CNTNAP2: variants seen among roughly 807,000 people sequenced by gnomAD.
The protein encoded by CNTNAP2 is contactin associated protein 2.
In CNTNAP2, 98 loss-of-function variants were observed where a neutral mutation model predicts 155.2. That is an observed-to-expected ratio of 0.63 (90% CI 0.54 to 0.75). CNTNAP2 has a LOEUF of 0.75. CNTNAP2 is among the 30% of genes least tolerant of loss of function. CNTNAP2 has a pLI of 0.00. For synonymous variants in CNTNAP2, 651 were observed against 631.2 expected (o/e 1.03, Z -0.47); for missense variants, 1,727 against 1,688.1 (o/e 1.02, Z -0.40).
chr7:146,529,871 A>G (rs1797743265), intron 1 of CNTNAP2, among the ~76,000 whole-genome samples: 1 of 152,070 alleles, frequency 6.6e-6, no homozygotes, highest in Non-Finnish European at 1.5e-5. Flanking sequence ...AGGCTGAGGC[A>G]GGAGAATTTC....
chr7:147,122,536 G>A (rs1801141731), intron 6 of CNTNAP2: 1 of 152,170 alleles, frequency 6.6e-6, no homozygotes, highest in Admixed American at 6.5e-5. Context: ...GGCAGAAATG[G>A]GGATCAGATT....
intron 11 of CNTNAP2, among the ~76,000 whole-genome samples, chr7:147,540,334 C>T (rs1225798643): frequency 6.6e-6 from 1 of 152,120 alleles, no homozygotes; most frequent in African/African-American, 2.4e-5. Flanking sequence ...TTCTGTCTGC[C>T]TCCACTTCAT....
intron 13 of CNTNAP2, among the ~76,000 whole-genome samples, chr7:147,851,846 A>G (rs564416411): frequency 9.9e-5 from 15 of 152,270 alleles, no homozygotes; most frequent in African/African-American, 3.4e-4. Context: ...CCAACATGGC[A>G]CATGTATACA....
At chr7:148,110,372 G>A (rs1210167460) in intron 15 of CNTNAP2, among the ~76,000 whole-genome samples, 1 of 152,076 alleles carries the variant, frequency 6.6e-6, no homozygotes, top group Non-Finnish European at 1.5e-5. Flanking sequence ...AAACAGTGCA[G>A]GGAAGCTTCA....
chr7:147,267,363 T>C (rs987052836), intron 8 of CNTNAP2, among the ~76,000 whole-genome samples: 4 of 152,198 alleles, frequency 2.6e-5, no homozygotes, highest in African/African-American at 9.7e-5. Flanking sequence ...TGTCCAGTGG[T>C]TGAATGGCAA....
rs545054953 is a variant in CNTNAP2 at position 146,130,894 on chromosome 7, A to G, written c.97+13921A>G. On this transcript the variant is annotated intron_variant, in intron 1 of 23. Coordinates refer to ENST00000361727, the MANE Select transcript of CNTNAP2 (RefSeq NM_014141.6). ...ACTTAGGAAACAACCAGATCTTGTGAGAATTCACTCACTATCATTTGAACA... is the reference window on the plus strand; with the variant it reads ...ACTTAGGAAACAACCAGATCTTGTGGGAATTCACTCACTATCATTTGAACA... 3.5e-4 allele frequency among the ~76,000 whole-genome samples: 54 copies of G among 152,290 alleles called. 2 individuals carry two copies. The South Asian group carries it at 0.011, about 32-fold the overall frequency.
chr7:147,427,128 G>C (rs905694640), intron 10 of CNTNAP2, among the ~76,000 whole-genome samples: 44 of 152,236 alleles, frequency 2.9e-4, no homozygotes, highest in African/African-American at 1.1e-3. Context: ...GGAGAAGAAT[G>C]CAGTCTCCTC....
intron 11 of CNTNAP2, among the ~76,000 whole-genome samples, chr7:147,521,137 AT>A (rs1268530293): frequency 6.6e-6 from 1 of 152,116 alleles, no homozygotes; most frequent in East Asian, 1.9e-4. Context: ...CTAATTTTCC[AT>A]GTCTCTCCTA....
chr7:147,061,997 G>T (rs1178668137), intron 4 of CNTNAP2, among the ~76,000 whole-genome samples: 1 of 151,030 alleles, frequency 6.6e-6, no homozygotes, highest in Non-Finnish European at 1.5e-5. Flanking sequence ...GCGTGGTGGC[G>T]GGCGCCTGTA....
chr7:146,195,153 A>C (rs1198019101), intron 1 of CNTNAP2: 1 of 152,230 alleles, frequency 6.6e-6, no homozygotes, highest in Non-Finnish European at 1.5e-5. Context: ...TGGAAAGATA[A>C]AACTTCCTTT....
intron 12 of CNTNAP2, among the ~76,000 whole-genome samples, chr7:147,617,978 C>T (rs1207219336): frequency 6.6e-6 from 1 of 152,042 alleles, no homozygotes; most frequent in Non-Finnish European, 1.5e-5. Context: ...ATTGGAAATC[C>T]TAGCTCACAT....
intron 13 of CNTNAP2, among the ~76,000 whole-genome samples, chr7:147,797,111 G>T (rs943809333): frequency 6.6e-6 from 1 of 152,094 alleles, no homozygotes. Flanking sequence ...ATACCATGCT[G>T]TCAAATTACT....
At chr7:146,933,856 G>T (rs1290342159) in intron 3 of CNTNAP2, among the ~76,000 whole-genome samples, 3 of 151,930 alleles carry the variant, frequency 2.0e-5, no homozygotes, top group South Asian at 2.1e-4. Flanking sequence ...ACCATCACTG[G>T]CCATTAGAGA....
rs1308698222 is a variant in CNTNAP2 at position 147,383,956 on chromosome 7, T to C, written c.1499-11653T>C. 2.0e-5 allele frequency among the ~76,000 whole-genome samples: 3 copies of C among 151,864 alleles called. No individual in the cohort carries two copies. The East Asian group carries it at 5.8e-4, about 29-fold the overall frequency. On this transcript the variant is annotated intron_variant, in intron 9 of 23. Coordinates refer to ENST00000361727, the MANE Select transcript of CNTNAP2 (RefSeq NM_014141.6). ...TTGTGACAAATTCTGTAAGAAGAAA[T>C]TAGTAGTTGAAGATCTAAAATGAAA...
intron 13 of CNTNAP2, among the ~76,000 whole-genome samples, chr7:147,840,484 G>C (rs1411521261): frequency 6.6e-6 from 1 of 152,120 alleles, no homozygotes; most frequent in Non-Finnish European, 1.5e-5. Context: ...CTCTAGGAGA[G>C]TGCCCGGGAG....
intron 13 of CNTNAP2, among the ~76,000 whole-genome samples, chr7:147,717,482 G>A (rs1296021238): frequency 6.6e-6 from 1 of 152,096 alleles, no homozygotes; most frequent in African/African-American, 2.4e-5. Context: ...ATTCAGAGGA[G>A]GGAAATAGCA....
chr7:146,692,504 C>A (rs2129171778), intron 1 of CNTNAP2, among the ~76,000 whole-genome samples: 1 of 152,158 alleles, frequency 6.6e-6, no homozygotes, highest in East Asian at 1.9e-4. Flanking sequence ...TGTTTAATTG[C>A]AAGTGCAATT....
rs898799958 is a variant in CNTNAP2, at chr7:147,742,162, T to A, written c.2098+102856T>A. ...TCAATTACCTTCCACTGGGTCCCTC[T>A]CACAACACATGGGAATTCAAGGTGA... On this transcript the variant is annotated intron_variant, in intron 13 of 23. Transcript: ENST00000361727. Among the ~76,000 whole-genome samples the A allele has an allele frequency of 1.1e-4, 17 of 152,198 alleles. No homozygotes were observed. In the East Asian group the frequency reaches 3.3e-3, roughly 29 times the overall value.
chr7:147,546,984 A>G (rs1197465545), intron 11 of CNTNAP2, among the ~76,000 whole-genome samples: 1 of 152,198 alleles, frequency 6.6e-6, no homozygotes, highest in Non-Finnish European at 1.5e-5. Flanking sequence ...CAGATGCTGT[A>G]TCTGTGATTA....
Sources: allele counts gnomAD v4.1 joint callset (sites outside exome capture counted in the v4.1 genomes callset), GRCh38; gene constraint gnomAD v4.1.1; transcripts MANE v1.5; gene names NCBI Gene and HGNC (gene_info 2026-07-23, HGNC 2026-07-21).